EPB41L2: variants seen among roughly 807,000 people sequenced by gnomAD.
The protein encoded by EPB41L2 is erythrocyte membrane protein band 4.1 like 2, also known as band 4.1-like protein 2.
Under a neutral mutation model 113.0 loss-of-function variants are expected in EPB41L2, and 43 were observed. That is an observed-to-expected ratio of 0.38 (90% CI 0.30 to 0.49). The LOEUF is 0.49. EPB41L2 is among the 20% of genes least tolerant of loss of function. The pLI is 0.95. For missense variants in EPB41L2, 1,147 were observed against 1,223.4 expected, an observed-to-expected ratio of 0.94 and a Z score of 0.93; for synonymous variants, 442 against 436.7, an observed-to-expected ratio of 1.01 and a Z score of -0.15.
At chr6:130,915,470 C>A (rs960948538) in intron 4 of EPB41L2, among the ~76,000 whole-genome samples, 1 of 152,178 alleles carries the variant, frequency 6.6e-6, no homozygotes, top group African/African-American at 2.4e-5. Flanking sequence ...TGGTTAATAT[C>A]AGCAGAACCT....
rs142623343 is a variant in EPB41L2 at position 130,990,819 on chromosome 6, T to C, written c.-14-34320A>G. On this transcript the variant is annotated intron_variant, in intron 1 of 19. Transcript: ENST00000337057. Reference sequence around the variant, plus strand: ...AAGGTGCTTATAACCTTATTAACTATACAGGTAATTTTTTTTTTTTTTTTT... The same window carrying C: ...AAGGTGCTTATAACCTTATTAACTACACAGGTAATTTTTTTTTTTTTTTTT... Among the ~76,000 whole-genome samples the C allele has an allele frequency of 2.0e-3, 281 of 142,654 alleles. 3 individuals carry two copies. The highest frequency in any genetic ancestry group is 2.4e-3 in the Non-Finnish European group (156 of 66,270). The allele number at this position is 142,654 out of a possible 152,430, so 93.6% of individuals were successfully genotyped here.
intron 4 of EPB41L2, 28 bp from the exon 5 acceptor site, chr6:130,908,891 A>C: frequency 6.5e-7 from 1 of 1,548,522 alleles, no homozygotes; most frequent in East Asian, 2.3e-5. Context: ...ATTAATTCAT[A>C]AGAAATATTC....
At position 130,880,190 on chromosome 6, in the gene EPB41L2, A is replaced by C; in HGVS notation, c.1850T>G (p.Val617Gly). Residue 617 changes from valine to glycine, a missense_variant, in exon 13 of 20, where the codon GTA (valine) becomes GGA (glycine). Transcript: ENST00000337057. ...TCTGACATAAATATTATCCCCTTCT[A>C]CTCTCAAGGAATTTTTCTGTGAAAT... ...LIEGKKNSLRVEGDNIYVRHS... is the reference protein window; with the variant it reads ...LIEGKKNSLRGEGDNIYVRHS... 6.2e-7 allele frequency: 1 copy of C among 1,609,116 alleles called. No homozygotes were observed. The highest frequency in any genetic ancestry group is 8.5e-7 in the Non-Finnish European group (1 of 1,175,742).
chr6:130,925,123 ATAAATACTAC>A (rs1183490796), intron 4 of EPB41L2, among the ~76,000 whole-genome samples: 1 of 152,142 alleles, frequency 6.6e-6, no homozygotes, highest in Non-Finnish European at 1.5e-5. Flanking sequence ...TACTATCTAA[ATAAATACTAC>A]TAAATACTAC....
chr6:130,984,316 T>G (rs1201328991), intron 1 of EPB41L2, among the ~76,000 whole-genome samples: 2 of 152,218 alleles, frequency 1.3e-5, no homozygotes, highest in African/African-American at 4.8e-5. Flanking sequence ...ATAAAAAGTA[T>G]AGTAAATACA....
At chr6:131,036,878 C>T (rs966882846) in intron 1 of EPB41L2, among the ~76,000 whole-genome samples, 14 of 152,164 alleles carry the variant, frequency 9.2e-5, no homozygotes, top group African/African-American at 3.1e-4. Flanking sequence ...CCAGGATAAG[C>T]GTACTTATGC....
chr6:130,887,388 G>T (rs772368881), intron 11 of EPB41L2, among the ~76,000 whole-genome samples: 1 of 151,928 alleles, frequency 6.6e-6, no homozygotes, highest in Non-Finnish European at 1.5e-5. Context: ...CAATCTAATT[G>T]TTCTCTTGCA....
At chr6:131,001,505 G>C (rs533156951) in intron 1 of EPB41L2, among the ~76,000 whole-genome samples, 62 of 152,166 alleles carry the variant, frequency 4.1e-4, no homozygotes, top group Admixed American at 4.1e-3. Context: ...TTTTAGTTCT[G>C]TTTCTTCCTA....
intron 1 of EPB41L2, among the ~76,000 whole-genome samples, chr6:131,021,271 C>A (rs565515050): frequency 6.6e-6 from 1 of 152,164 alleles, no homozygotes; most frequent in Non-Finnish European, 1.5e-5. Flanking sequence ...ATGGCTCTAA[C>A]TATTAGCAGG....
At chr6:130,921,254 A>G (rs1295319949) in intron 4 of EPB41L2, among the ~76,000 whole-genome samples, 1 of 152,112 alleles carries the variant, frequency 6.6e-6, no homozygotes, top group Non-Finnish European at 1.5e-5. Flanking sequence ...CTGATATGCA[A>G]ATCTGACCAC....
intron 19 of EPB41L2, among the ~76,000 whole-genome samples, chr6:130,855,527 C>T (rs1779949018): frequency 6.6e-6 from 1 of 152,034 alleles, no homozygotes; most frequent in African/African-American, 2.4e-5. Flanking sequence ...AATAGAATCT[C>T]AGATATGAAG....
chr6:131,030,010 C>T (rs1791781265), intron 1 of EPB41L2, among the ~76,000 whole-genome samples: 1 of 151,842 alleles, frequency 6.6e-6, no homozygotes, highest in African/African-American at 2.4e-5. Flanking sequence ...CTATTCAGAA[C>T]CACTGTTCGC....
intron 5 of EPB41L2, among the ~76,000 whole-genome samples, chr6:130,908,415 C>T (rs1257004251): frequency 2.0e-5 from 3 of 152,184 alleles, no homozygotes; most frequent in Non-Finnish European, 4.4e-5. Context: ...GGAACAGTGT[C>T]TCTATGTCTC....
chr6:131,062,427 A>G (rs958099980), intron 1 of EPB41L2: 1 of 151,980 alleles, frequency 6.6e-6, no homozygotes, highest in African/African-American at 2.4e-5. Flanking sequence ...AGGAGAAAAA[A>G]CAAGCCATCT....
intron 18 of EPB41L2, among the ~76,000 whole-genome samples, chr6:130,861,877 A>C (rs1323122178): frequency 1.6e-4 from 24 of 151,458 alleles, no homozygotes; most frequent in Admixed American, 1.4e-3. Context: ...ATCTCCCCAA[A>C]AAAAAAAAAA....
At chr6:130,865,672 A>G (rs1171112275) in intron 16 of EPB41L2, 38 bp from the exon 17 acceptor site, 4 of 1,593,930 alleles carry the variant, frequency 2.5e-6, no homozygotes, top group Non-Finnish European at 3.4e-6. Context: ...AGTAATGCTT[A>G]ACTTCTGTTA....
chr6:130,899,440 A>C, intron 8 of EPB41L2, 51 bp downstream of exon 8: 1 of 1,486,508 alleles, frequency 6.7e-7, no homozygotes, highest in Non-Finnish European at 9.4e-7. Context: ...CCCTCTCAAA[A>C]CCTCAGTCAA....
At chr6:131,037,818 A>G (rs1223914409) in intron 1 of EPB41L2, among the ~76,000 whole-genome samples, 1 of 152,068 alleles carries the variant, frequency 6.6e-6, no homozygotes, top group Non-Finnish European at 1.5e-5. Context: ...CAAACTCTTG[A>G]GCTCAAGTGA....
chr6:131,043,602 A>T (rs1325871698), intron 1 of EPB41L2, among the ~76,000 whole-genome samples: 2 of 152,160 alleles, frequency 1.3e-5, no homozygotes, highest in Non-Finnish European at 2.9e-5. Flanking sequence ...AAAGAAAGGG[A>T]CAGAACCAAT....
Sources: allele counts gnomAD v4.1 joint callset (sites outside exome capture counted in the v4.1 genomes callset), GRCh38; gene constraint gnomAD v4.1.1; transcripts MANE v1.5; gene names NCBI Gene and HGNC (gene_info 2026-07-23, HGNC 2026-07-21).